JAZF1: variants seen among roughly 807,000 people sequenced by gnomAD.
The protein encoded by JAZF1 is juxtaposed with another zinc finger protein 1.
Under a neutral mutation model 26.4 loss-of-function variants are expected in JAZF1, and 8 were observed. That is an observed-to-expected ratio of 0.30 (90% CI 0.18 to 0.55). JAZF1 has a LOEUF of 0.55. Among genes scored for constraint, JAZF1 ranks in the 20% least tolerant of loss-of-function variants. The probability of loss-of-function intolerance (pLI) is 0.94; values close to 1 mark genes in which losing one functional copy is unlikely to be tolerated. For missense variants in JAZF1, 199 were observed against 322.0 expected (o/e 0.62, Z 2.92); for synonymous variants, 126 against 122.3 (o/e 1.03, Z -0.20).
At chr7:28,127,659 A>C (rs1782718987) in intron 1 of JAZF1, among the ~76,000 whole-genome samples, 1 of 152,254 alleles carries the variant, frequency 6.6e-6, no homozygotes, top group African/African-American at 2.4e-5. Context: ...TAATAAAGAC[A>C]TCCCCAAGAC....
At chr7:27,903,764 C>A (rs1040380876) in intron 2 of JAZF1, among the ~76,000 whole-genome samples, 2 of 152,216 alleles carry the variant, frequency 1.3e-5, no homozygotes, top group Non-Finnish European at 2.9e-5. Flanking sequence ...TTCCATCCAG[C>A]TAAGGGCTGT....
At chr7:28,055,081 T>C (rs888999894) in intron 1 of JAZF1, among the ~76,000 whole-genome samples, 1 of 152,058 alleles carries the variant, frequency 6.6e-6, no homozygotes, top group Non-Finnish European at 1.5e-5. Context: ...AATAAGACTT[T>C]GAGAAATTAA....
Position 27,972,008 on chromosome 7 carries a change from TACCTACTGTGTAACAGTGTACA to T in JAZF1, c.188+19879_188+19900del, listed in dbSNP as rs542148967. On this transcript the variant is annotated intron_variant, in intron 2 of 4. Coordinates refer to ENST00000283928, the MANE Select transcript of JAZF1 (RefSeq NM_175061.4). The stretch of plus-strand genomic sequence containing the variant: ...GAGCTACTACTGTGTAACAGTGTAC[TACCTACTGTGTAACAGTGTACA>T]ACCTACTGTGTAACAGTGTTCTAGA... Among the ~76,000 whole-genome samples the T allele has an allele frequency of 1.0e-3, 157 of 152,312 alleles. 1 individual carries two copies. In the South Asian group the frequency reaches 0.011, roughly 10 times the overall value.
chr7:28,027,063 G>C (rs1371483715), intron 1 of JAZF1, among the ~76,000 whole-genome samples: 1 of 152,212 alleles, frequency 6.6e-6, no homozygotes, highest in African/African-American at 2.4e-5. Context: ...GCTCACCACA[G>C]ACTCAGGCCC....
intron 3 of JAZF1, chr7:27,841,870 C>T (rs1481790506): frequency 6.6e-6 from 1 of 152,132 alleles, no homozygotes. Flanking sequence ...AGTCCTAATG[C>T]ATTTACAAGC....
At chr7:27,880,253 A>G (rs1783745823) in intron 3 of JAZF1, among the ~76,000 whole-genome samples, 1 of 152,214 alleles carries the variant, frequency 6.6e-6, no homozygotes, top group African/African-American at 2.4e-5. Flanking sequence ...TATTTGTTGG[A>G]AAGCAAAAAA....
In JAZF1 at chr7:27,832,908, G is replaced by A. The variant is rs764720748; in HGVS notation, c.624C>T (p.Phe208=). The change falls in exon 5 of 5, where the codon TTC becomes TTT. Residue 208 remains phenylalanine, a synonymous_variant. Transcript: ENST00000283928. ...HRTQIRVRKP[F]KCRCGKSYKT... is the part of the protein sequence containing the mutation. ...TGTAACTCTTCCCACAGCGACACTTGAATGGTTTGCGGACACGAATCTGTG... is the reference window on the plus strand; with the variant it reads ...TGTAACTCTTCCCACAGCGACACTTAAATGGTTTGCGGACACGAATCTGTG... 1.2e-6 allele frequency: 2 copies of A among 1,613,452 alleles called. No individual in the cohort carries two copies. Among genetic ancestry groups the A allele is most frequent in the South Asian group, 2.2e-5 (2 of 90,996 alleles).
At chr7:28,067,030 G>A (rs1783894723) in intron 1 of JAZF1, among the ~76,000 whole-genome samples, 1 of 152,092 alleles carries the variant, frequency 6.6e-6, no homozygotes, top group African/African-American at 2.4e-5. Context: ...CTTTGTACCT[G>A]CCTACCCTTG....
chr7:27,934,569 T>A (rs1375063494), intron 2 of JAZF1, among the ~76,000 whole-genome samples: 2 of 152,190 alleles, frequency 1.3e-5, no homozygotes, highest in African/African-American at 4.8e-5. Context: ...TGGTACACCT[T>A]GGCGGTAGCC....
chr7:28,107,140 G>A lies in JAZF1; in HGVS notation c.115+73323C>T, dbSNP rs138661297. Among the ~76,000 whole-genome samples the A allele has an allele frequency of 4.4e-3, 677 of 152,306 alleles. 5 individuals are homozygous for A. The highest frequency in any genetic ancestry group is 0.016 in the African/African-American group (647 of 41,568). On this transcript the variant is annotated intron_variant, in intron 1 of 4. Transcript: ENST00000283928. ...CCACCTGATTCTCCCAGTTTTACAG[G>A]TGTGCTTTATATTTGTCCCTCAAAC...
chr7:28,139,056 T>C (rs1404991516), intron 1 of JAZF1, among the ~76,000 whole-genome samples: 2 of 152,184 alleles, frequency 1.3e-5, no homozygotes, highest in Non-Finnish European at 2.9e-5. Context: ...ATCAGGGGCC[T>C]GGTACTAGTT....
At chr7:28,098,272 G>A (rs1482161978) in intron 1 of JAZF1, among the ~76,000 whole-genome samples, 1 of 151,974 alleles carries the variant, frequency 6.6e-6, no homozygotes, top group Non-Finnish European at 1.5e-5. Flanking sequence ...CAGGTAGCAG[G>A]CCCTCACCAG....
In JAZF1 at chr7:28,096,970, C is replaced by A. The variant is rs865854550; in HGVS notation, c.115+83493G>T. Among the ~76,000 whole-genome samples, 4 of 152,312 alleles carry A rather than the reference C, an allele frequency of 2.6e-5. No individual in the cohort carries two copies. The South Asian group carries it at 6.2e-4, about 24-fold the overall frequency. ...TACCAAGTGGCTTAAATGCCATCTGCACCACATCAGGCACACATTCCTAAT... is the reference window on the plus strand; with the variant it reads ...TACCAAGTGGCTTAAATGCCATCTGAACCACATCAGGCACACATTCCTAAT... On this transcript the variant is annotated intron_variant, in intron 1 of 4. Transcript: ENST00000283928.
At chr7:27,897,367 T>C (rs765902165) in intron 2 of JAZF1, among the ~76,000 whole-genome samples, 31 of 152,202 alleles carry the variant, frequency 2.0e-4, no homozygotes, top group Non-Finnish European at 1.8e-4. Flanking sequence ...GCTGGGTTAT[T>C]ATGTAATTTG....
intron 3 of JAZF1, among the ~76,000 whole-genome samples, chr7:27,851,728 T>A (rs17155948): frequency 0.013 from 2,001 of 152,264 alleles, 38 homozygotes; most frequent in African/African-American, 0.041. Flanking sequence ...ATCACACCAA[T>A]GATCACAATG....
intron 1 of JAZF1, among the ~76,000 whole-genome samples, chr7:28,024,711 T>C (rs2128373577): frequency 6.6e-6 from 1 of 152,322 alleles, no homozygotes; most frequent in South Asian, 2.1e-4. Context: ...AAAATCTTTA[T>C]TAAGCTTCCC....
chr7:27,933,314 A>G (rs993061215), intron 2 of JAZF1, among the ~76,000 whole-genome samples: 5 of 152,244 alleles, frequency 3.3e-5, no homozygotes, highest in African/African-American at 1.2e-4. Flanking sequence ...ACTGCTAAGC[A>G]GAGATTTTCC....
chr7:28,167,048 A>G (rs796169291), intron 1 of JAZF1, among the ~76,000 whole-genome samples: 7 of 152,354 alleles, frequency 4.6e-5, no homozygotes, highest in African/African-American at 1.7e-4. Context: ...TATCAGTGTT[A>G]TAACATGTGT....
In JAZF1 at chr7:28,097,167, AAAAC is replaced by A. The variant is rs538610170; in HGVS notation, c.115+83292_115+83295del. Reference sequence around the variant, plus strand: ...TCTGCCACACTAACCAACTTTTCAGAAAACAAATATTGCAAAAAATGAAATCTTG... The same window carrying A: ...TCTGCCACACTAACCAACTTTTCAGAAAATATTGCAAAAAATGAAATCTTG... On this transcript the variant is annotated intron_variant, in intron 1 of 4. Transcript: ENST00000283928. Among the ~76,000 whole-genome samples the A allele has an allele frequency of 2.4e-3, 367 of 152,302 alleles. 1 individual carries two copies. The highest frequency in any genetic ancestry group is 5.5e-3 in the Admixed American group (84 of 15,292).
Sources: allele counts gnomAD v4.1 joint callset (sites outside exome capture counted in the v4.1 genomes callset), GRCh38; gene constraint gnomAD v4.1.1; transcripts MANE v1.5; gene names NCBI Gene and HGNC (gene_info 2026-07-23, HGNC 2026-07-21).